The following CPEB1 variants were observed in gnomAD, a reference collection of about 807,000 sequenced individuals.
The protein encoded by CPEB1 is cytoplasmic polyadenylation element-binding protein 1.
Under a neutral mutation model 65.8 loss-of-function variants are expected in CPEB1, and 7 were observed. The ratio of observed to expected loss-of-function variants is 0.11; its 90% CI spans 0.06 to 0.20. The LOEUF (loss-of-function observed/expected upper bound fraction) is 0.20, where lower values mean the gene tolerates loss of function less well. Among genes scored for constraint, CPEB1 ranks in the 10% least tolerant of loss-of-function variants. The probability of loss-of-function intolerance (pLI) is 1.00; values close to 1 mark genes in which losing one functional copy is unlikely to be tolerated. For missense variants in CPEB1, 551 were observed against 712.2 expected, an observed-to-expected ratio of 0.77 and a Z score of 2.58; for synonymous variants, 262 against 260.0, an observed-to-expected ratio of 1.01 and a Z score of -0.08.
In CPEB1 at chr15:82,555,860, G is replaced by A. The variant is rs779808913; in HGVS notation, c.940+10C>T. ...GCCTCAGGCCTCACACATGCTCAAG[G>A]CACACTCACCTGCAGCTTGTCGGTG... On this transcript the variant is annotated intron_variant, in intron 6 of 12. Transcript: ENST00000684509. 41 of 1,606,632 alleles carry A rather than the reference G, an allele frequency of 2.6e-5. No homozygotes were observed. Among genetic ancestry groups the A allele is most frequent in the Non-Finnish European group, 2.0e-5 (23 of 1,177,760 alleles).
At chr15:82,626,295 G>A (rs1278301316) in intron 3 of CPEB1, among the ~76,000 whole-genome samples, 2 of 151,534 alleles carry the variant, frequency 1.3e-5, no homozygotes, top group African/African-American at 4.9e-5. Context: ...TTAGCTGGGT[G>A]TGGTGGCGCG....
chr15:82,581,521 C>T (rs2041280874), intron 3 of CPEB1, among the ~76,000 whole-genome samples: 1 of 152,074 alleles, frequency 6.6e-6, no homozygotes, highest in African/African-American at 2.4e-5. Flanking sequence ...TTTGGAAGCA[C>T]CACACTCTTT....
At chr15:82,544,758 G>T in intron 12 of CPEB1, 56 bp from the exon 13 acceptor site, 1 of 1,328,584 alleles carries the variant, frequency 7.5e-7, no homozygotes, top group South Asian at 1.2e-5. Context: ...CCAGACACAG[G>T]AGCTGTTGCA....
chr15:82,590,503 TCA>T (rs1350783022), intron 3 of CPEB1, among the ~76,000 whole-genome samples: 1 of 152,202 alleles, frequency 6.6e-6, no homozygotes, highest in Admixed American at 6.5e-5. Flanking sequence ...CTTTCAGCAG[TCA>T]CTCTCTGGGG....
chr15:82,619,366 T>C (rs1311180714), intron 3 of CPEB1, among the ~76,000 whole-genome samples: 1 of 152,178 alleles, frequency 6.6e-6, no homozygotes, highest in Non-Finnish European at 1.5e-5. Flanking sequence ...ACTACCTTCA[T>C]GACCTTGGAA....
chr15:82,544,819 G>A, intron 12 of CPEB1, 117 bp from the exon 13 acceptor site: 1 of 748,126 alleles, frequency 1.3e-6, no homozygotes, highest in Non-Finnish European at 2.3e-6. Flanking sequence ...GATGGCCTCT[G>A]TGGGTTAGAA....
In CPEB1 at chr15:82,627,378, A is replaced by G. The variant is rs762688770; in HGVS notation, c.97-11T>C. The G allele has an allele frequency of 3.8e-6, 6 of 1,573,662 alleles. No homozygotes were observed. The South Asian group carries it at 5.9e-5, about 15-fold the overall frequency. The stretch of plus-strand genomic sequence containing the variant: ...TCCTGCTTCTTCTTCCTAGACACAG[A>G]AAAAAAAAGATATTTAGGTTTTCTA... On this transcript the variant is annotated splice_polypyrimidine_tract_variant and intron_variant, in intron 2 of 12. Coordinates refer to ENST00000684509, the MANE Select transcript of CPEB1 (RefSeq NM_001365242.1).
At chr15:82,609,501 A>AG (rs1567219272) in intron 3 of CPEB1, among the ~76,000 whole-genome samples, 1 of 151,604 alleles carries the variant, frequency 6.6e-6, no homozygotes, top group East Asian at 1.9e-4. Flanking sequence ...AGCCTGTCTC[A>AG]GAAAAAAAAA....
intron 3 of CPEB1, among the ~76,000 whole-genome samples, chr15:82,575,796 T>C (rs2040583084): frequency 2.0e-5 from 3 of 152,108 alleles, no homozygotes; most frequent in Admixed American, 6.6e-5. Context: ...TTGCCAACAT[T>C]TGATGTTGTC....
intron 3 of CPEB1, among the ~76,000 whole-genome samples, chr15:82,584,323 A>T (rs2041577253): frequency 6.6e-6 from 1 of 151,344 alleles, no homozygotes; most frequent in Non-Finnish European, 1.5e-5. Context: ...TGAAGATACA[A>T]GTTTTTACCT....
intron 9 of CPEB1, among the ~76,000 whole-genome samples, chr15:82,550,224 A>G (rs975500934): frequency 6.6e-6 from 1 of 152,160 alleles, no homozygotes; most frequent in Non-Finnish European, 1.5e-5. Context: ...TGGAGTCTTA[A>G]AGGGCTGGGG....
intron 2 of CPEB1, among the ~76,000 whole-genome samples, chr15:82,627,739 C>A (rs542170489): frequency 1.1e-4 from 16 of 152,248 alleles, no homozygotes; most frequent in African/African-American, 3.6e-4. Flanking sequence ...AGGTAAACAC[C>A]AGCTGCCAGT....
At chr15:82,590,602 T>G (rs1414407137) in intron 3 of CPEB1, among the ~76,000 whole-genome samples, 1 of 152,186 alleles carries the variant, frequency 6.6e-6, no homozygotes, top group African/African-American at 2.4e-5. Flanking sequence ...CACCCAGGTG[T>G]CAAGTCCAGT....
Position 82,563,828 on chromosome 15 carries a change from AT to A in CPEB1, c.461-5843del, listed in dbSNP as rs200621980. Among the ~76,000 whole-genome samples, 7 of 150,282 alleles carry A rather than the reference AT, an allele frequency of 4.7e-5. 1 individual carries two copies. Among genetic ancestry groups the A allele is most frequent in the East Asian group, 3.9e-4 (2 of 5,162 alleles). On this transcript the variant is annotated intron_variant, in intron 4 of 12. Transcript: ENST00000684509. Reference sequence around the variant, plus strand: ...CTTCTATAAATTTGAAATTATTTCCATTTTTTTTTAATGACAGGAAGAAAAA... The same window carrying A: ...CTTCTATAAATTTGAAATTATTTCCATTTTTTTTAATGACAGGAAGAAAAA...
chr15:82,579,741 T>C (rs1596057968), intron 3 of CPEB1, among the ~76,000 whole-genome samples: 1 of 147,424 alleles, frequency 6.8e-6, no homozygotes, highest in East Asian at 2.0e-4. Context: ...TGAAACCCCG[T>C]CTCTACTAAA....
rs1317452167 is a variant in CPEB1 at position 82,552,504 on chromosome 15, G to A, written c.1257C>T (p.Ser419=). 1.3e-6 allele frequency: 2 copies of A among 1,595,596 alleles called. No individual in the cohort carries two copies. The highest frequency in any genetic ancestry group is 3.5e-5 in the Admixed American group (2 of 56,412). ...CCTCCTTGCAGCGCATCCTTCGGCT[G>A]GACATCTTGAAATAATATTCACTCA... ...DGLSEYYFKM[S]SRRMRCKEVQ... The change falls in exon 9 of 13, where the codon TCC becomes TCT. Residue 419 remains serine, a synonymous_variant. Transcript: ENST00000684509.
intron 1 of CPEB1, among the ~76,000 whole-genome samples, chr15:82,638,375 C>T (rs1246873359): frequency 1.3e-5 from 2 of 152,116 alleles, no homozygotes; most frequent in African/African-American, 4.8e-5. Flanking sequence ...ATATAACAAA[C>T]GTTGACACAC....
chr15:82,575,859 G>A (rs988736985), intron 3 of CPEB1, among the ~76,000 whole-genome samples: 2 of 151,966 alleles, frequency 1.3e-5, no homozygotes, highest in Non-Finnish European at 2.9e-5. Context: ...TTATGAAAAC[G>A]CTTATATATT....
intron 3 of CPEB1, chr15:82,573,063 G>T (rs1041985138): frequency 1.3e-6 from 2 of 1,535,538 alleles, no homozygotes; most frequent in Admixed American, 2.0e-5. Flanking sequence ...CTGTTGCAAG[G>T]AGAAGCAAGC....
Sources: allele counts gnomAD v4.1 joint callset (sites outside exome capture counted in the v4.1 genomes callset), GRCh38; gene constraint gnomAD v4.1.1; transcripts MANE v1.5; gene names NCBI Gene and HGNC (gene_info 2026-07-23, HGNC 2026-07-21).